Variants in PDZD8 observed in about 807,000 individuals in gnomAD.
PDZD8 encodes the protein PDZ domain-containing protein 8.
In PDZD8, 14 loss-of-function variants were observed where a neutral mutation model predicts 85.8. The ratio of observed to expected loss-of-function variants is 0.16; its 90% CI spans 0.11 to 0.26. The LOEUF (loss-of-function observed/expected upper bound fraction) is 0.26. Ranked by LOEUF, PDZD8 falls within the 10% of genes least tolerant of loss-of-function variation. The pLI, the probability that PDZD8 is intolerant of heterozygous loss-of-function variation, is 1.00. For synonymous variants in PDZD8, 592 were observed against 568.6 expected, an observed-to-expected ratio of 1.04 and a Z score of -0.59; for missense variants, 1,197 against 1,424.3, an observed-to-expected ratio of 0.84 and a Z score of 2.57.
At position 117,366,592 on chromosome 10, in the gene PDZD8, T is replaced by TACC. The variant is rs140867417; in HGVS notation, c.872+7761_872+7763dup. On this transcript the variant is annotated intron_variant, in intron 1 of 4. Coordinates refer to ENST00000334464, the MANE Select transcript of PDZD8 (RefSeq NM_173791.5). Reference sequence around the variant, plus strand: ...CCACCACCACCACTGTCACCACCATTACCACCACCACCACCACCACCAGTA... The same window carrying TACC: ...CCACCACCACCACTGTCACCACCATTACCACCACCACCACCACCACCACCAGTA... 2.0e-3 allele frequency among the ~76,000 whole-genome samples: 297 copies of TACC among 150,666 alleles called. 1 individual carries two copies. Among genetic ancestry groups the TACC allele is most frequent in the Middle Eastern group, 0.01 (3 of 290 alleles).
chr10:117,315,587 CAAAAAAAAAA>C (rs35866840), intron 3 of PDZD8, among the ~76,000 whole-genome samples: 3 of 42,102 alleles, frequency 7.1e-5, no homozygotes, highest in Non-Finnish European at 1.0e-4. Context: ...TAGACTCTCT[CAAAAAAAAAA>C]AAAAAAAAAA....
At chr10:117,354,558 A>T (rs1477293692) in intron 1 of PDZD8, among the ~76,000 whole-genome samples, 1 of 152,066 alleles carries the variant, frequency 6.6e-6, no homozygotes, top group Non-Finnish European at 1.5e-5. Context: ...ATACCATCTC[A>T]CCTGTTTAAC....
At chr10:117,336,093 A>G (rs1564704055) in intron 2 of PDZD8, among the ~76,000 whole-genome samples, 1 of 152,226 alleles carries the variant, frequency 6.6e-6, no homozygotes, top group Non-Finnish European at 1.5e-5. Context: ...CACAAAATTA[A>G]TTTGTTTCAT....
chr10:117,330,094 T>C (rs1844396464), intron 2 of PDZD8, among the ~76,000 whole-genome samples: 1 of 149,352 alleles, frequency 6.7e-6, no homozygotes, highest in Non-Finnish European at 1.5e-5. Context: ...AAACTTAATT[T>C]GAAAGGAAAA....
intron 4 of PDZD8, chr10:117,285,767 C>T: frequency 1.9e-6 from 2 of 1,064,144 alleles, no homozygotes; most frequent in Non-Finnish European, 2.3e-6. Context: ...CTTTCTATCT[C>T]TTCTTAGGTT....
intron 4 of PDZD8, among the ~76,000 whole-genome samples, chr10:117,288,711 T>TTGG: frequency 6.6e-6 from 1 of 152,162 alleles, no homozygotes; most frequent in East Asian, 1.9e-4. Context: ...TTTCACCATG[T>TTGG]TGGCCAGGCT....
At chr10:117,331,343 G>C (rs1438906203) in intron 2 of PDZD8, among the ~76,000 whole-genome samples, 1 of 152,118 alleles carries the variant, frequency 6.6e-6, no homozygotes, top group Admixed American at 6.6e-5. Flanking sequence ...CAAGGAAATA[G>C]GTAATGGTAT....
chr10:117,306,232 T>C (rs1843941197), intron 3 of PDZD8, among the ~76,000 whole-genome samples: 4 of 152,250 alleles, frequency 2.6e-5, no homozygotes, highest in Non-Finnish European at 5.9e-5. Context: ...AGAAGTATAA[T>C]ATCAAAAAGT....
intron 1 of PDZD8, among the ~76,000 whole-genome samples, chr10:117,346,011 C>T (rs1329452301): frequency 6.6e-6 from 1 of 151,960 alleles, no homozygotes; most frequent in Non-Finnish European, 1.5e-5. Flanking sequence ...GAGGCTGAGG[C>T]GGGCAGATCA....
Position 117,285,191 on chromosome 10 carries a change from C to T in PDZD8, c.1542G>A (p.Glu514=). Residue 514 remains glutamate, a synonymous_variant, in exon 5 of 5, where the codon GAG becomes GAA. Transcript: ENST00000334464. The part of the protein sequence containing the change: ...DVRAQNEFKD[E]AQSLSHSPKR... ...TGGGACTATGACTTAATGATTGTGCCTCATCTTTGAACTCATTTTGTGCTC... is the reference window on the plus strand; with the variant it reads ...TGGGACTATGACTTAATGATTGTGCTTCATCTTTGAACTCATTTTGTGCTC... The T allele has an allele frequency of 5.6e-6, 9 of 1,614,090 alleles. No individual in the cohort carries two copies. The highest frequency in any genetic ancestry group is 4.4e-5 in the South Asian group (4 of 91,074).
chr10:117,342,393 T>TAC (rs59113065), intron 1 of PDZD8, among the ~76,000 whole-genome samples: 6,009 of 145,596 alleles, frequency 0.041, 191 homozygotes, highest in African/African-American at 0.098. Flanking sequence ...CACAAACAGA[T>TAC]ACACACACAC....
At chr10:117,364,188 GT>G (rs1845046388) in intron 1 of PDZD8, among the ~76,000 whole-genome samples, 1 of 150,084 alleles carries the variant, frequency 6.7e-6, no homozygotes, top group Non-Finnish European at 1.5e-5. Context: ...ATGGGTGTGT[GT>G]GTGTGTGTGT....
intron 3 of PDZD8, among the ~76,000 whole-genome samples, chr10:117,295,623 T>C (rs1589547631): frequency 6.6e-6 from 1 of 152,164 alleles, no homozygotes; most frequent in East Asian, 1.9e-4. Context: ...CTCTCTAATG[T>C]TCAAAAAGAT....
intron 3 of PDZD8, among the ~76,000 whole-genome samples, chr10:117,306,338 T>C (rs1246634301): frequency 6.6e-6 from 1 of 152,212 alleles, no homozygotes; most frequent in Admixed American, 6.5e-5. Flanking sequence ...AATAATTACA[T>C]CCTAATGATT....
intron 3 of PDZD8, among the ~76,000 whole-genome samples, chr10:117,316,913 A>G (rs1171881972): frequency 2.0e-5 from 3 of 152,166 alleles, no homozygotes; most frequent in East Asian, 3.9e-4. Context: ...AACTTCCAGG[A>G]AAGTTTTAAA....
chr10:117,283,277 C>T lies in PDZD8; in HGVS notation c.3456G>A (p.Glu1152=). ...SISDDLFGPS[E]SV is the part of the protein sequence containing the mutation. ...TAAATAGACCTGTCTGCTACACAGA[C>T]TCGGATGGGCCAAATAAGTCATCTG... is the stretch of plus-strand genomic sequence containing the variant. The change falls in exon 5 of 5, where the codon GAG becomes GAA. Residue 1152 remains glutamate (E), a synonymous_variant. Transcript: ENST00000334464. The T allele has an allele frequency of 6.2e-7, 1 of 1,610,656 alleles. No homozygotes were observed. Among genetic ancestry groups the T allele is most frequent in the Non-Finnish European group, 8.5e-7 (1 of 1,178,852 alleles).
Position 117,284,611 on chromosome 10 carries a change from G to T in PDZD8, c.2122C>A (p.His708Asn), listed in dbSNP as rs775702149. 8.7e-6 allele frequency: 14 copies of T among 1,614,064 alleles called. No homozygotes were observed. ...CACAATGCAATGTTTAAGTACCTGT[G>T]ACAGGCTTCTATGTCAAACAAACAG... ...ASCLFDIEAC[H>N]RYLNIALWCR... is the part of the protein sequence containing the mutation. Residue 708 changes from histidine (H) to asparagine (N), a missense_variant, in exon 5 of 5, where the codon CAC becomes AAC. This residue lies in a region of PDZD8 where 418 missense variants were observed against 571.1 expected (regional missense o/e 0.73). Transcript: ENST00000334464.
chr10:117,324,493 C>G (rs1844282138), intron 2 of PDZD8, among the ~76,000 whole-genome samples: 1 of 152,140 alleles, frequency 6.6e-6, no homozygotes, highest in East Asian at 1.9e-4. Flanking sequence ...ATTTCTAACT[C>G]TTGGTCATCC....
In PDZD8 at chr10:117,305,493, C is replaced by G. The variant is rs1281699458; in HGVS notation, c.1098+13379G>C. Among the ~76,000 whole-genome samples, 15 of 150,934 alleles carry G rather than the reference C, an allele frequency of 9.9e-5. No homozygotes were observed. The South Asian group carries it at 1.0e-3, about 11-fold the overall frequency. ...ACATACACACACACACACACACACA[C>G]ACACACACACACACACACACACATA... On this transcript the variant is annotated intron_variant, in intron 3 of 4. Transcript: ENST00000334464.
Sources: allele counts gnomAD v4.1 joint callset (sites outside exome capture counted in the v4.1 genomes callset), GRCh38; gene constraint gnomAD v4.1.1; regional missense constraint gnomAD v4.1.1; transcripts MANE v1.5; gene names NCBI Gene and HGNC (gene_info 2026-07-23, HGNC 2026-07-21).